NR4A1: variants seen among roughly 807,000 people sequenced by gnomAD.
The protein encoded by NR4A1 is nuclear receptor subfamily 4immunitygroup A member 1.
A neutral mutation model predicts 47.5 loss-of-function variants in NR4A1; 24 were observed. The observed-to-expected ratio is 0.50, with a 90% confidence interval of 0.37 to 0.71. The LOEUF (loss-of-function observed/expected upper bound fraction) is 0.71. NR4A1 is among the 30% of genes least tolerant of loss of function. The pLI is 0.00. For missense variants in NR4A1, 669 were observed against 788.6 expected (o/e 0.85, Z 1.82); for synonymous variants, 353 against 345.7 (o/e 1.02, Z -0.24).
Position 52,043,700 on chromosome 12 carries a change from A to T in NR4A1, c.37+1771A>T, listed in dbSNP as rs931431155. On this transcript the variant is annotated intron_variant, in intron 2 of 7. Coordinates refer to the NR4A1 transcript ENST00000360284. ...GTTTCTGCTATATAAACAGAGGAGGACACGCCGGCTTGGAGGCAGCACCAC... is the reference window on the plus strand; with the variant it reads ...GTTTCTGCTATATAAACAGAGGAGGTCACGCCGGCTTGGAGGCAGCACCAC... 7 of 1,251,610 alleles carry T rather than the reference A, an allele frequency of 5.6e-6. No individual in the cohort carries two copies. The African/African-American group carries it at 9.3e-5, about 17-fold the overall frequency. The allele number at this position is 1,251,610 out of a possible 1,614,324, so 77.5% of individuals were successfully genotyped here.
At chr12:52,056,430 G>C in intron 3 of NR4A1, 64 bp from the exon 4 acceptor site, 1 of 1,582,070 alleles carries the variant, frequency 6.3e-7, no homozygotes, top group Non-Finnish European at 8.6e-7. Context: ...TGGTGTGCAC[G>C]GCTTGGGCTG....
chr12:52,037,816 G>C (rs1281734144), intron 1 of NR4A1: 2 of 985,360 alleles, frequency 2.0e-6, no homozygotes, highest in East Asian at 2.3e-4. Context: ...ACCCCTTCGA[G>C]GGACTGAGTC....
chr12:52,051,163 C>T (rs1477448413), upstream of NR4A1, among the ~76,000 whole-genome samples: 1 of 152,192 alleles, frequency 6.6e-6, no homozygotes, highest in Non-Finnish European at 1.5e-5. Context: ...GCGGGCGCGG[C>T]GGGCGCGAGG....
chr12:52,054,874 G>C lies in NR4A1; in HGVS notation c.546G>C (p.Gly182=). The C allele has an allele frequency of 1.9e-6, 3 of 1,614,034 alleles. No homozygotes were observed. The highest frequency in any genetic ancestry group is 2.5e-6 in the Non-Finnish European group (3 of 1,180,034). ...AWTEQLPKAS[G]PPQPPAFFSF... ...CAGAGCAGCTGCCCAAAGCCTCTGG[G>C]CCCCCACAGCCTCCAGCCTTCTTTT... is the stretch of plus-strand genomic sequence containing the variant. Residue 182 remains glycine, a synonymous_variant, in exon 2 of 7, where the codon GGG becomes GGC. Transcript: ENST00000394825.
At chr12:52,055,826 C>T in intron 2 of NR4A1, 1 of 457,538 alleles carries the variant, frequency 2.2e-6, no homozygotes, top group Non-Finnish European at 3.8e-6. Context: ...AGCGAGAAAC[C>T]TCCCCCAATG....
upstream of NR4A1, among the ~76,000 whole-genome samples, chr12:52,049,289 C>T (rs1938802026): frequency 6.6e-6 from 1 of 152,204 alleles, no homozygotes; most frequent in African/African-American, 2.4e-5. Flanking sequence ...CCCAAATCCC[C>T]ATATGAGTGG....
chr12:52,032,550 T>C (rs754137072), intron 1 of NR4A1, among the ~76,000 whole-genome samples: 2 of 152,236 alleles, frequency 1.3e-5, no homozygotes, highest in Non-Finnish European at 2.9e-5. Context: ...TTACTGCTTA[T>C]GTGCAAGATT....
At chr12:52,047,844 G>C (rs1938715853), upstream of NR4A1, among the ~76,000 whole-genome samples, 1 of 152,246 alleles carries the variant, frequency 6.6e-6, no homozygotes, top group Admixed American at 6.5e-5. Context: ...CTTGAGGCTG[G>C]TTCAACTCTC....
At chr12:52,034,235 G>A (rs1406463678) in intron 1 of NR4A1, among the ~76,000 whole-genome samples, 1 of 152,218 alleles carries the variant, frequency 6.6e-6, no homozygotes, top group Non-Finnish European at 1.5e-5. Flanking sequence ...TTCCTCCAGG[G>A]AGGCCTCTTG....
chr12:52,032,148 T>C (rs1938141357), intron 1 of NR4A1, among the ~76,000 whole-genome samples: 1 of 152,062 alleles, frequency 6.6e-6, no homozygotes, highest in African/African-American at 2.4e-5. Flanking sequence ...GCTGGTAAAA[T>C]GTTATTTCTA....
exon 2 of NR4A1, chr12:52,041,861 C>G (rs760325317): frequency 1.3e-5 from 20 of 1,524,504 alleles, no homozygotes; most frequent in Non-Finnish European, 1.7e-5. Flanking sequence ...CAGCCTGGCT[C>G]CTTCTGCTGG....
At chr12:52,037,991 C>T in intron 1 of NR4A1, 4 of 985,026 alleles carry the variant, frequency 4.1e-6, no homozygotes, top group Non-Finnish European at 4.8e-6. Context: ...ATTTCCAGAC[C>T]TCCTCCATGG....
intron 4 of NR4A1, 94 bp from the exon 5 acceptor site, chr12:52,056,963 C>G (rs979934846): frequency 8.2e-7 from 1 of 1,217,958 alleles, no homozygotes; most frequent in African/African-American, 1.5e-5. Context: ...CTCCCACTCC[C>G]GGGATCTGGC....
chr12:52,050,028 A>G (rs1460099569), upstream of NR4A1, among the ~76,000 whole-genome samples: 1 of 151,906 alleles, frequency 6.6e-6, no homozygotes, highest in African/African-American at 2.4e-5. Context: ...ATGGATATTG[A>G]CTTACATGGG....
chr12:52,041,616 A>G (rs1938440957), intron 1 of NR4A1, among the ~76,000 whole-genome samples: 1 of 152,166 alleles, frequency 6.6e-6, no homozygotes, highest in African/African-American at 2.4e-5. Context: ...ACACCCCTGG[A>G]AGCAGATTGC....
In NR4A1 at chr12:52,056,032, C is replaced by T. The variant is rs762446012; in HGVS notation, c.879C>T (p.Arg293=). ...TTCCGTGTTGCCCCCCCACCCAGCG[C>T]ACAGTGCAGAAAAACGCCAAGTACA... ...TCEGCKGFFK[R]TVQKNAKYIC... The change falls in exon 3 of 7, where the codon CGC becomes CGT. Residue 293 remains arginine (R), a splice_region_variant and synonymous_variant. Transcript: ENST00000394825. The T allele has an allele frequency of 8.4e-6, 13 of 1,539,084 alleles. No individual in the cohort carries two copies. The Admixed American group carries it at 1.4e-4, about 17-fold the overall frequency.
chr12:52,026,822 T>C (rs994941607), intron 1 of NR4A1, among the ~76,000 whole-genome samples: 3 of 151,416 alleles, frequency 2.0e-5, no homozygotes, highest in African/African-American at 7.3e-5. Context: ...CTGCAGGAGC[T>C]AGGAGGGGCT....
chr12:52,032,280 A>G (rs1314060158), intron 1 of NR4A1, among the ~76,000 whole-genome samples: 2 of 152,222 alleles, frequency 1.3e-5, no homozygotes, highest in East Asian at 3.8e-4. Flanking sequence ...TGAATAGAAT[A>G]AAAAGGCAGA....
intron 1 of NR4A1, among the ~76,000 whole-genome samples, chr12:52,032,110 C>G (rs897452302): frequency 2.0e-5 from 3 of 152,052 alleles, no homozygotes; most frequent in Non-Finnish European, 4.4e-5. Flanking sequence ...TAAGTGTCAA[C>G]TTGACTGGGC....
Sources: gnomAD v4.1 joint callset for allele counts (sites outside exome capture counted in the v4.1 genomes callset) on GRCh38, gnomAD v4.1.1 for gene constraint, MANE v1.5 for transcripts, NCBI Gene and HGNC (gene_info 2026-07-23, HGNC 2026-07-21) for gene names.